LRTM3: variants seen among roughly 807,000 people sequenced by gnomAD.
LRTM3 encodes leucine-rich repeat transmembrane protein 3.
At chr13:102,734,910 C>T in the LRTM3 span, 2 of 1,550,982 alleles carry the variant, frequency 1.3e-6, no homozygotes, top group African/African-American at 1.4e-5. Context: ...ACATGTTTTC[C>T]TTTTTGTAGA....
At chr13:102,729,380 G>T in the LRTM3 span, 2 of 1,167,906 alleles carry the variant, frequency 1.7e-6, no homozygotes, top group South Asian at 5.5e-5. Flanking sequence ...GATGTTATAT[G>T]ATTGTATTTT....
the LRTM3 span, chr13:102,738,219 C>T: frequency 6.5e-7 from 1 of 1,528,068 alleles, no homozygotes; most frequent in Non-Finnish European, 8.9e-7. Flanking sequence ...GATATTTTTA[C>T]TTCATCGTCT....
the LRTM3 span, chr13:102,746,299 C>T: frequency 1.2e-5 from 18 of 1,551,034 alleles, no homozygotes; most frequent in African/African-American, 1.2e-4. Flanking sequence ...CTTTATGTTC[C>T]TCTTCCTTTC....
the LRTM3 span, chr13:102,742,956 TTTC>T: frequency 6.5e-7 from 1 of 1,544,358 alleles, no homozygotes; most frequent in East Asian, 2.5e-5. Context: ...ACTTTGAGAC[TTTC>T]TTTTCCATTT....
At chr13:102,747,365 T>C in the LRTM3 span, 48 of 1,550,388 alleles carry the variant, frequency 3.1e-5, no homozygotes, top group African/African-American at 5.2e-4. Context: ...TTTCCTGTGG[T>C]TTGAAGTACC....
At chr13:102,744,355 T>C in the LRTM3 span, 2 of 1,550,364 alleles carry the variant, frequency 1.3e-6, no homozygotes, top group Non-Finnish European at 1.7e-6. Context: ...TTTGATTCCA[T>C]GCAGTTTTCT....
At chr13:102,746,046 C>T in the LRTM3 span, 41 of 1,550,998 alleles carry the variant, frequency 2.6e-5, no homozygotes, top group Non-Finnish European at 3.0e-5. Flanking sequence ...CCTCCAAGGA[C>T]TTTTATGTCA....
At chr13:102,744,274 G>T in the LRTM3 span, 2 of 1,550,486 alleles carry the variant, frequency 1.3e-6, no homozygotes, top group African/African-American at 1.4e-5. Flanking sequence ...CTAATGTATA[G>T]CTCCGGCTTT....
At chr13:102,732,366 T>C in the LRTM3 span, 2 of 1,551,232 alleles carry the variant, frequency 1.3e-6, no homozygotes, top group Non-Finnish European at 1.7e-6. Context: ...CGCCCCGTGA[T>C]ATTAAGCATC....
At chr13:102,733,087 C>G in the LRTM3 span, 1 of 1,551,424 alleles carries the variant, frequency 6.4e-7, no homozygotes, top group Non-Finnish European at 8.7e-7. Flanking sequence ...TTTTCTTGTC[C>G]ACATCTGTTT....
the LRTM3 span, chr13:102,739,146 G>A: frequency 6.5e-7 from 1 of 1,550,032 alleles, no homozygotes; most frequent in Non-Finnish European, 8.7e-7. Flanking sequence ...AGTTTATTCT[G>A]AACTACATTT....
At chr13:102,744,664 T>C in the LRTM3 span, 6 of 1,550,848 alleles carry the variant, frequency 3.9e-6, no homozygotes, top group Non-Finnish European at 5.2e-6. Flanking sequence ...GATCTTTCAT[T>C]TGATGTGTAC....
the LRTM3 span, chr13:102,742,110 T>C: frequency 6.4e-7 from 1 of 1,550,430 alleles, no homozygotes; most frequent in South Asian, 1.2e-5. Flanking sequence ...GTAAGCTTTT[T>C]AATGCTAGAC....
the LRTM3 span, among the ~76,000 whole-genome samples, chr13:102,754,140 G>C: frequency 6.8e-6 from 1 of 148,036 alleles, no homozygotes; most frequent in African/African-American, 2.5e-5. Flanking sequence ...AGGAGATGAA[G>C]GTTGCAGTGA....
At chr13:102,742,970 T>C in the LRTM3 span, 2 of 1,542,764 alleles carry the variant, frequency 1.3e-6, no homozygotes, top group East Asian at 4.9e-5. Context: ...TTTTCCATTT[T>C]TGTTTTTTTC....
the LRTM3 span, chr13:102,749,081 A>G: frequency 6.5e-7 from 1 of 1,549,544 alleles, no homozygotes; most frequent in South Asian, 1.2e-5. Context: ...ATGCAAAGCT[A>G]TATCTGATAT....
chr13:102,750,677 T>C, the LRTM3 span, among the ~76,000 whole-genome samples: 11 of 152,274 alleles, frequency 7.2e-5, no homozygotes, highest in Non-Finnish European at 1.5e-4. Context: ...TGGATTAAGA[T>C]TATATTATTT....
chr13:102,729,514 C>A, the LRTM3 span: 1 of 1,481,494 alleles, frequency 6.7e-7, no homozygotes, highest in Non-Finnish European at 8.9e-7. Flanking sequence ...TGGAGGAACT[C>A]CATATATTCC....
At chr13:102,754,136 T>C in the LRTM3 span, among the ~76,000 whole-genome samples, 4 of 139,034 alleles carry the variant, frequency 2.9e-5, no homozygotes, top group African/African-American at 1.1e-4. Context: ...ACCCAGGAGA[T>C]GAAGGTTGCA....
Sources: allele counts gnomAD v4.1 joint callset (sites outside exome capture counted in the v4.1 genomes callset), GRCh38; gene constraint gnomAD v4.1.1; transcripts MANE v1.5; gene names NCBI Gene and HGNC (gene_info 2026-07-23, HGNC 2026-07-21).